CDS2: variants seen among roughly 807,000 people sequenced by gnomAD.
The protein encoded by CDS2 is CDP-diacylglycerol synthase 2.
A neutral mutation model predicts 59.0 loss-of-function variants in CDS2; 47 were observed. The observed-to-expected ratio is 0.80, with a 90% CI of 0.63 to 1.02. The LOEUF (loss-of-function observed/expected upper bound fraction) is 1.02. Among genes scored for constraint, CDS2 ranks in the 50% least tolerant of loss-of-function variants. CDS2 has a pLI of 0.00. For missense variants in CDS2, 356 were observed against 558.9 expected, an observed-to-expected ratio of 0.64 and a Z score of 3.66; for synonymous variants, 207 against 206.4, an observed-to-expected ratio of 1.00 and a Z score of -0.02.
chr20:5,183,264 A>G lies in CDS2; in HGVS notation c.671+121A>G, dbSNP rs1600513369. 37 of 760,874 alleles carry G rather than the reference A, an allele frequency of 4.9e-5. No homozygotes were observed. In the East Asian group the frequency reaches 9.4e-4, roughly 19 times the overall value. The allele number at this position is 760,874 out of a possible 1,614,324, so 47.1% of individuals were successfully genotyped here. A position where few individuals can be genotyped will look rare whatever the true frequency, so the allele number is the denominator to read the frequency against. ...ATCAGAATCCTCTGCAGGGTTCATT[A>G]TAGCACAGATTGCTGGACCCCACCC... On this transcript the variant is annotated intron_variant, in intron 7 of 12. Coordinates refer to ENST00000460006, the MANE Select transcript of CDS2 (RefSeq NM_003818.4).
chr20:5,140,603 T>G lies in CDS2; in HGVS notation c.57+13454T>G, dbSNP rs541505523. On this transcript the variant is annotated intron_variant, in intron 1 of 12. Transcript: ENST00000460006. ...ACCTTATAGGGTTGTTCCGAGGCAT[T>G]ATCATTTCTTTCCTTTACAAATTGT... Among the ~76,000 whole-genome samples, 4 of 152,356 alleles carry G rather than the reference T, an allele frequency of 2.6e-5. No individual in the cohort carries two copies. In the South Asian group the frequency reaches 8.3e-4, roughly 32 times the overall value.
At chr20:5,160,153 G>C (rs1452610620) in intron 1 of CDS2, among the ~76,000 whole-genome samples, 1 of 152,220 alleles carries the variant, frequency 6.6e-6, no homozygotes, top group African/African-American at 2.4e-5. Context: ...TTAAAAGGCA[G>C]AGTAGTAACT....
intron 1 of CDS2, among the ~76,000 whole-genome samples, chr20:5,173,137 C>T (rs919774382): frequency 1.1e-4 from 16 of 152,254 alleles, no homozygotes; most frequent in African/African-American, 3.9e-4. Context: ...CTGGCTTCCC[C>T]TGAGAGAGCC....
At chr20:5,165,977 G>A (rs2065970426) in intron 1 of CDS2, among the ~76,000 whole-genome samples, 1 of 152,114 alleles carries the variant, frequency 6.6e-6, no homozygotes, top group South Asian at 2.1e-4. Context: ...GATCTCAAGG[G>A]GCTTGTATGC....
intron 1 of CDS2, among the ~76,000 whole-genome samples, chr20:5,145,707 GTCCT>G (rs2090736460): frequency 6.6e-6 from 1 of 151,956 alleles, no homozygotes; most frequent in African/African-American, 2.4e-5. Flanking sequence ...AGGCCATAGT[GTCCT>G]TCCTTGCTGT....
At chr20:5,150,861 G>A (rs2090783517) in intron 1 of CDS2, among the ~76,000 whole-genome samples, 1 of 152,212 alleles carries the variant, frequency 6.6e-6, no homozygotes, top group African/African-American at 2.4e-5. Flanking sequence ...TAGCTCCCAC[G>A]TGATTCAGTA....
chr20:5,174,585 T>C (rs573428611), intron 2 of CDS2, among the ~76,000 whole-genome samples: 56 of 151,788 alleles, frequency 3.7e-4, no homozygotes, highest in African/African-American at 1.3e-3. Context: ...ATTAGCTGGG[T>C]GTGGTGGCAG....
intron 1 of CDS2, among the ~76,000 whole-genome samples, chr20:5,129,073 C>T (rs1328942971): frequency 6.6e-6 from 1 of 152,100 alleles, no homozygotes; most frequent in Non-Finnish European, 1.5e-5. Context: ...GAGGAGCTGT[C>T]CAGCTAGAGG....
At chr20:5,130,359 T>G (rs889065198) in intron 1 of CDS2, among the ~76,000 whole-genome samples, 14 of 152,278 alleles carry the variant, frequency 9.2e-5, no homozygotes, top group Non-Finnish European at 1.9e-4. Flanking sequence ...TTTGCCAATA[T>G]TCTTGTGTTA....
At position 5,183,142 on chromosome 20, in the gene CDS2, T is replaced by C; in HGVS notation, c.670T>C (p.Trp224Arg). 2 of 1,612,840 alleles carry C rather than the reference T, an allele frequency of 1.2e-6. No homozygotes were observed. The highest frequency in any genetic ancestry group is 1.7e-6 in the Non-Finnish European group (2 of 1,178,830). ...CCACAACCTATTTGAAGGAATGATCTGGTGAGAATTGGGAGTTGGATTTTC... is the reference window on the plus strand; with the variant it reads ...CCACAACCTATTTGAAGGAATGATCCGGTGAGAATTGGGAGTTGGATTTTC... The part of the protein sequence containing the change: ...VIHNLFEGMI[W>R]FIVPISCVIC... Residue 224 changes from tryptophan to arginine, a missense_variant and splice_region_variant, in exon 7 of 13, where the codon TGG (tryptophan) becomes CGG (arginine). Trp to Arg is a moderately radical substitution (Grantham distance 101, BLOSUM62 -3). Transcript: ENST00000460006.
chr20:5,188,563 A>G (rs886316748), intron 10 of CDS2, among the ~76,000 whole-genome samples: 2 of 152,214 alleles, frequency 1.3e-5, no homozygotes, highest in Admixed American at 1.3e-4. Flanking sequence ...TAAAACCTAC[A>G]TGTATATAAT....
At chr20:5,153,677 C>G (rs2090810552) in intron 1 of CDS2, among the ~76,000 whole-genome samples, 1 of 152,204 alleles carries the variant, frequency 6.6e-6, no homozygotes, top group African/African-American at 2.4e-5. Flanking sequence ...ACTCTTCTTC[C>G]TGAGATGAGG....
At position 5,191,355 on chromosome 20, in the gene CDS2, T is replaced by TAA. The variant is rs2091112934; in HGVS notation, c.*1123_*1124dup. ...CACTTTTTATATAATGTGACCAGTTTAAATGTAGTTTGTATTGTACTGGGG... is the reference window on the plus strand; with the variant it reads ...CACTTTTTATATAATGTGACCAGTTTAAAAATGTAGTTTGTATTGTACTGGGG... On this transcript the variant is annotated 3_prime_UTR_variant, in exon 13 of 13. Coordinates refer to ENST00000460006, the MANE Select transcript of CDS2 (RefSeq NM_003818.4). 1 of 152,226 alleles carries TAA rather than the reference T, an allele frequency of 6.6e-6. No individual in the cohort carries two copies. The highest frequency in any genetic ancestry group is 2.4e-5 in the African/African-American group (1 of 41,448). The allele number at this position is 152,226 out of a possible 1,614,324, so 9.4% of individuals were successfully genotyped here.
In CDS2 at chr20:5,184,733, C is replaced by T; in HGVS notation, c.672-125C>T. 1.3e-6 allele frequency: 1 copy of T among 769,614 alleles called. No individual in the cohort carries two copies. The allele number at this position is 769,614 out of a possible 1,614,324, so 47.7% of individuals were successfully genotyped here. A position where few individuals can be genotyped will look rare whatever the true frequency, so the allele number is the denominator to read the frequency against. On this transcript the variant is annotated intron_variant, in intron 7 of 12. Coordinates refer to ENST00000460006, the MANE Select transcript of CDS2 (RefSeq NM_003818.4). The surrounding 1 kb of genome is among the most constrained non-coding windows in gnomAD (Gnocchi z 4.3). Reference sequence around the variant, plus strand: ...GTATTTTTTATGTTTTTAACTTACTCCTTAATGGGTTACCAGAATTTTATG... The same window carrying T: ...GTATTTTTTATGTTTTTAACTTACTTCTTAATGGGTTACCAGAATTTTATG...
intron 1 of CDS2, among the ~76,000 whole-genome samples, chr20:5,156,537 G>T (rs926823352): frequency 2.6e-5 from 4 of 152,282 alleles, no homozygotes; most frequent in Admixed American, 6.5e-5. Context: ...GCCTGGGGGA[G>T]TTACTGGCAT....
intron 1 of CDS2, chr20:5,168,615 G>A: frequency 1.9e-6 from 1 of 518,614 alleles, no homozygotes; most frequent in Non-Finnish European, 3.9e-6. Context: ...AGGAGGGTGG[G>A]CCCCTGGCAC....
intron 1 of CDS2, among the ~76,000 whole-genome samples, chr20:5,157,757 C>T (rs1341066583): frequency 6.6e-6 from 1 of 152,126 alleles, no homozygotes; most frequent in Admixed American, 6.5e-5. Flanking sequence ...ATGAGGGGTT[C>T]AGCCTCATGA....
chr20:5,144,207 A>G (rs2090720727), intron 1 of CDS2, among the ~76,000 whole-genome samples: 1 of 152,218 alleles, frequency 6.6e-6, no homozygotes, highest in South Asian at 2.1e-4. Flanking sequence ...TTCTGTAGAT[A>G]TAATCTACAT....
rs1231412102 is a variant in CDS2 at position 5,185,745 on chromosome 20, T to C, written c.760-13T>C. 5.0e-6 allele frequency: 8 copies of C among 1,613,514 alleles called. No individual in the cohort carries two copies. The highest frequency in any genetic ancestry group is 2.7e-5 in the African/African-American group (2 of 74,932). Reference sequence around the variant, plus strand: ...AAAACACCCTTTGCTGAGAACTTGCTCTCTGTCCACAGCTGTCCCCGAAGA... The same window carrying C: ...AAAACACCCTTTGCTGAGAACTTGCCCTCTGTCCACAGCTGTCCCCGAAGA... On this transcript the variant is annotated splice_polypyrimidine_tract_variant and intron_variant, in intron 8 of 12. Transcript: ENST00000460006.
Sources: allele counts gnomAD v4.1 joint callset (sites outside exome capture counted in the v4.1 genomes callset), GRCh38; gene constraint gnomAD v4.1.1; non-coding constraint Gnocchi (gnomAD v3.1); transcripts MANE v1.5; gene names NCBI Gene and HGNC (gene_info 2026-07-23, HGNC 2026-07-21).